Variants in NDUFB5 observed in about 807,000 individuals in gnomAD.
The protein encoded by NDUFB5 is NADH dehydrogenase [ubiquinone] 1 beta subcomplex subunit 5, mitochondrial.
NDUFB5 carries 19 observed loss-of-function variants against 19.4 expected under a neutral mutation model. The observed-to-expected ratio is 0.98, with a 90% CI of 0.68 to 1.43. The LOEUF (loss-of-function observed/expected upper bound fraction) is 1.43, where lower values mean the gene tolerates loss of function less well. Ranked by LOEUF, NDUFB5 falls within the 40% of genes most tolerant of loss-of-function variation. The pLI, the probability that NDUFB5 is intolerant of heterozygous loss-of-function variation, is 0.00. For synonymous variants in NDUFB5, 80 were observed against 82.6 expected (o/e 0.97, Z 0.17); for missense variants, 233 against 236.5 (o/e 0.99, Z 0.10).
chr3:179,620,589 G>T (rs1388615634), intron 5 of NDUFB5, among the ~76,000 whole-genome samples: 1 of 152,048 alleles, frequency 6.6e-6, no homozygotes, highest in East Asian at 1.9e-4. Context: ...ATGCTGTTTT[G>T]GTTACTGTAG....
chr3:179,623,883 T>C (rs1250074500), intron 5 of NDUFB5, 37 bp from the exon 6 acceptor site: 1 of 1,610,916 alleles, frequency 6.2e-7, no homozygotes, highest in Non-Finnish European at 8.5e-7. Context: ...TAATTGGAAG[T>C]GCTGGAATCT....
intron 3 of NDUFB5, 35 bp downstream of exon 3, chr3:179,616,084 A>G (rs756261583): frequency 1.3e-6 from 2 of 1,533,514 alleles, no homozygotes; most frequent in Non-Finnish European, 1.8e-6. Context: ...GCACCACCAG[A>G]TTGGAAAAAT....
chr3:179,627,011 G>C lies in NDUFB5; in HGVS notation c.*2971G>C, dbSNP rs759735054. ...GGTGTAAATGGCTCATAGTTCTGCA[G>C]ACTGTACAGGAAGCATGGCACCAGC... On this transcript the variant is annotated 3_prime_UTR_variant, in exon 6 of 6. Transcript: ENST00000259037. 3 of 152,200 alleles carry C rather than the reference G, an allele frequency of 2.0e-5. No individual in the cohort carries two copies. The highest frequency in any genetic ancestry group is 4.4e-5 in the Non-Finnish European group (3 of 68,060). The allele number at this position is 152,200 out of a possible 1,614,324, so 9.4% of individuals were successfully genotyped here. A position where few individuals can be genotyped will look rare whatever the true frequency, so the allele number is the denominator to read the frequency against.
intron 3 of NDUFB5, among the ~76,000 whole-genome samples, chr3:179,616,505 G>A (rs529836539): frequency 1.3e-5 from 2 of 152,120 alleles, no homozygotes; most frequent in South Asian, 2.1e-4. Flanking sequence ...TGGCGCCATC[G>A]CACTCCAGCC....
In NDUFB5 at chr3:179,616,173, G is replaced by A. The variant is rs561708507; in HGVS notation, c.280+124G>A. 1,437 of 711,648 alleles carry A rather than the reference G, an allele frequency of 2.0e-3. 4 individuals are homozygous for A. The highest frequency in any genetic ancestry group is 7.8e-3 in the Middle Eastern group (21 of 2,678). The allele number at this position is 711,648 out of a possible 1,614,324, so 44.1% of individuals were successfully genotyped here. A position where few individuals can be genotyped will look rare whatever the true frequency, so the allele number is the denominator to read the frequency against. On this transcript the variant is annotated intron_variant, in intron 3 of 5. Coordinates refer to ENST00000259037, the MANE Select transcript of NDUFB5 (RefSeq NM_002492.4). ...AAGCTCTTTAAATAATTAAGCATAAGCATGGCAGTTTATCTTAAAATAACC... is the reference window on the plus strand; with the variant it reads ...AAGCTCTTTAAATAATTAAGCATAAACATGGCAGTTTATCTTAAAATAACC...
intron 4 of NDUFB5, 63 bp from the exon 5 acceptor site, chr3:179,618,352 T>G: frequency 9.7e-7 from 1 of 1,027,754 alleles, no homozygotes. Context: ...TAAAGAATAG[T>G]CAACTAGAAA....
chr3:179,622,339 G>T (rs569914173), intron 5 of NDUFB5, among the ~76,000 whole-genome samples: 4 of 151,636 alleles, frequency 2.6e-5, no homozygotes, highest in African/African-American at 9.7e-5. Context: ...TTTGACATGG[G>T]GACTTGCTCT....
chr3:179,614,833 C>A (rs144828868), intron 1 of NDUFB5, 138 bp from the exon 2 acceptor site: 248 of 510,056 alleles, frequency 4.9e-4, no homozygotes, highest in African/African-American at 3.7e-3. Context: ...CATCTCACAC[C>A]TGAGTGTGAA....
chr3:179,618,963 T>C (rs537942774), intron 5 of NDUFB5, among the ~76,000 whole-genome samples: 2 of 152,322 alleles, frequency 1.3e-5, no homozygotes, highest in East Asian at 3.9e-4. Context: ...AGTTCTTTTT[T>C]AAATTTTTGA....
At chr3:179,609,695 C>T (rs1022213006) in intron 1 of NDUFB5, among the ~76,000 whole-genome samples, 1 of 152,100 alleles carries the variant, frequency 6.6e-6, no homozygotes, top group African/African-American at 2.4e-5. Flanking sequence ...GCAACAATAC[C>T]ATTTTACATT....
At chr3:179,623,818 T>C (rs1331991189) in intron 5 of NDUFB5, 102 bp from the exon 6 acceptor site, 1 of 1,422,682 alleles carries the variant, frequency 7.0e-7, no homozygotes, top group Non-Finnish European at 9.9e-7. Flanking sequence ...CATTATACTT[T>C]ACATAAAAGC....
chr3:179,605,062 GACAGGAGA>G lies in NDUFB5; in HGVS notation c.124+124_124+131del, dbSNP rs1719044458. The G allele has an allele frequency of 1.5e-6, 2 of 1,336,664 alleles. 1 individual carries two copies. The highest frequency in any genetic ancestry group is 2.0e-6 in the Non-Finnish European group (2 of 1,023,922). The allele number at this position is 1,336,664 out of a possible 1,614,324, so 82.8% of individuals were successfully genotyped here. A position where few individuals can be genotyped will look rare whatever the true frequency, so the allele number is the denominator to read the frequency against. Reference sequence around the variant, plus strand: ...GGGACAAGTTGTGGGCTTGGGGCTTGACAGGAGAGACGGAGCACGAGCTATATGAGGGG... The same window carrying G: ...GGGACAAGTTGTGGGCTTGGGGCTTGGACGGAGCACGAGCTATATGAGGGG... On this transcript the variant is annotated intron_variant, in intron 1 of 5. Transcript: ENST00000259037.
intron 5 of NDUFB5, among the ~76,000 whole-genome samples, chr3:179,620,538 T>G (rs1245332246): frequency 1.3e-5 from 2 of 152,226 alleles, no homozygotes; most frequent in African/African-American, 4.8e-5. Context: ...AGGGCTCTGT[T>G]CTGTTCCATT....
Position 179,624,325 on chromosome 3 carries a change from G to A in NDUFB5, c.*285G>A, listed in dbSNP as rs879002913. 6.7e-5 allele frequency: 17 copies of A among 252,236 alleles called. No individual in the cohort carries two copies. The South Asian group carries it at 9.0e-4, about 13-fold the overall frequency. 15.6% of individuals were successfully genotyped at this position (252,236 alleles called of 1,614,324 possible). A position where few individuals can be genotyped will look rare whatever the true frequency, so the allele number is the denominator to read the frequency against. On this transcript the variant is annotated 3_prime_UTR_variant, in exon 6 of 6. Coordinates refer to ENST00000259037, the MANE Select transcript of NDUFB5 (RefSeq NM_002492.4). ...ATTTACCTGACAAATGGAAGTTATA[G>A]AAGTCTAATAATGTTAAGCACCAGT... is the stretch of plus-strand genomic sequence containing the variant.
intron 1 of NDUFB5, among the ~76,000 whole-genome samples, chr3:179,612,098 C>T (rs1234784020): frequency 6.6e-6 from 1 of 151,732 alleles, no homozygotes; most frequent in African/African-American, 2.4e-5. Flanking sequence ...TACAAGCATG[C>T]ACCACCATTC....
Position 179,624,601 on chromosome 3 carries a change from A to ACACACACACACACG in NDUFB5, c.*564_*565insACACACACACGCAC, listed in dbSNP as rs1447593636. 1 of 148,636 alleles carries ACACACACACACACG rather than the reference A, an allele frequency of 6.7e-6. No homozygotes were observed. The highest frequency in any genetic ancestry group is 2.0e-4 in the East Asian group (1 of 5,036). The allele number at this position is 148,636 out of a possible 1,614,324, so 9.2% of individuals were successfully genotyped here. On this transcript the variant is annotated 3_prime_UTR_variant, in exon 6 of 6. Transcript: ENST00000259037. ...CACACACACACACACACACACACAC[A>ACACACACACACACG]CACGCTCTTTTCCTAGATGCAATCT...
intron 5 of NDUFB5, among the ~76,000 whole-genome samples, chr3:179,619,900 G>A (rs1719488850): frequency 6.6e-6 from 1 of 152,184 alleles, no homozygotes; most frequent in Admixed American, 6.5e-5. Flanking sequence ...TCTAACTGGT[G>A]TGAGATGGTA....
Position 179,616,035 on chromosome 3 carries a change from T to G in NDUFB5, c.266T>G (p.Val89Gly), listed in dbSNP as rs1204344274. 1 of 1,613,644 alleles carries G rather than the reference T, an allele frequency of 6.2e-7. No homozygotes were observed. The highest frequency in any genetic ancestry group is 8.5e-7 in the Non-Finnish European group (1 of 1,179,712). ...GIPVAIFITLVNVFIGQAELA... is the reference protein window; with the variant it reads ...GIPVAIFITLGNVFIGQAELA... ...CCAGTAGCAATTTTCATAACTCTGG[T>G]GAATGTATTCATTGGTAAGTCACTT... is the stretch of plus-strand genomic sequence containing the variant. The change falls in exon 3 of 6, where the codon GTG (valine) becomes GGG (glycine). Residue 89 changes from valine to glycine, a missense_variant. Transcript: ENST00000259037.
At chr3:179,604,967 G>T (rs1719041212) in intron 1 of NDUFB5, 28 bp downstream of exon 1, 1 of 1,527,878 alleles carries the variant, frequency 6.5e-7, no homozygotes, top group African/African-American at 1.4e-5. Flanking sequence ...GAGAACGGGC[G>T]TGAAGCGGGT....
Sources: allele counts gnomAD v4.1 joint callset (sites outside exome capture counted in the v4.1 genomes callset), GRCh38; gene constraint gnomAD v4.1.1; transcripts MANE v1.5; gene names NCBI Gene and HGNC (gene_info 2026-07-23, HGNC 2026-07-21).